PALLD: variants seen among roughly 807,000 people sequenced by gnomAD.
PALLD encodes palladin.
Under a neutral mutation model 123.5 loss-of-function variants are expected in PALLD, and 61 were observed. The observed-to-expected ratio is 0.49, with a 90% CI of 0.40 to 0.61. The LOEUF is 0.61. Ranked by LOEUF, PALLD falls within the 20% of genes least tolerant of loss-of-function variation. The probability of loss-of-function intolerance (pLI) is 0.00; values close to 1 mark genes in which losing one functional copy is unlikely to be tolerated. For missense variants in PALLD, 1,273 were observed against 1,377.0 expected (o/e 0.92, Z 1.20); for synonymous variants, 465 against 496.4 (o/e 0.94, Z 0.84).
rs183968930 is a variant in PALLD at position 168,602,126 on chromosome 4, G to A, written c.909-66064G>A. On this transcript the variant is annotated intron_variant, in intron 2 of 21. Coordinates refer to ENST00000505667, the MANE Select transcript of PALLD (RefSeq NM_001166108.2). ...TCTGGCCAGTCAGGGCAAGAGTGCAGGGTCACAAGGTCCAAAGCATGGCAA... is the reference window on the plus strand; with the variant it reads ...TCTGGCCAGTCAGGGCAAGAGTGCAAGGTCACAAGGTCCAAAGCATGGCAA... Among the ~76,000 whole-genome samples, 568 of 152,294 alleles carry A rather than the reference G, an allele frequency of 3.7e-3. 2 individuals carry two copies. Among genetic ancestry groups the A allele is most frequent in the Non-Finnish European group, 5.4e-3 (366 of 68,018 alleles).
rs140614801 is a variant in PALLD, at chr4:168,711,741, G to C, written c.1782G>C (p.Leu594=). 3.1e-6 allele frequency: 5 copies of C among 1,614,076 alleles called. No individual in the cohort carries two copies. The African/African-American group carries it at 6.7e-5, about 22-fold the overall frequency. ...IQQVNNPELG[L]SRAALQMQFN... Reference sequence around the variant, plus strand: ...AGGTGAACAACCCTGAGTTAGGCCTGAGCAGGGCAGCCCTTCAAATGCAAT... The same window carrying C: ...AGGTGAACAACCCTGAGTTAGGCCTCAGCAGGGCAGCCCTTCAAATGCAAT... Residue 594 remains leucine (L), a synonymous_variant, in exon 10 of 22, where the codon CTG becomes CTC. Transcript: ENST00000505667.
chr4:168,574,385 T>G (rs933224063), intron 2 of PALLD, among the ~76,000 whole-genome samples: 4 of 152,164 alleles, frequency 2.6e-5, no homozygotes, highest in Non-Finnish European at 5.9e-5. Flanking sequence ...GCCTCTTGGT[T>G]AAAATGTTCC....
In PALLD at chr4:168,898,556, TCTC is replaced by T; in HGVS notation, c.2317_2319del (p.Pro773del). ...TGAAATAGAGTACAGGCTAGAAAGG[TCTC>T]CTGTGGATGAATCAGGTGATGAAGT... On this transcript the variant is annotated inframe_deletion, in exon 14 of 22. Coordinates refer to ENST00000505667, the MANE Select transcript of PALLD (RefSeq NM_001166108.2). 1 of 1,613,912 alleles carries T rather than the reference TCTC, an allele frequency of 6.2e-7. No individual in the cohort carries two copies.
At chr4:168,780,455 G>A (rs1303637090) in intron 10 of PALLD, among the ~76,000 whole-genome samples, 4 of 152,168 alleles carry the variant, frequency 2.6e-5, no homozygotes. Context: ...ATATTTTGCT[G>A]TTTCTTACTA....
chr4:168,918,088 A>G (rs1560921438), intron 17 of PALLD, among the ~76,000 whole-genome samples: 1 of 151,750 alleles, frequency 6.6e-6, no homozygotes, highest in Non-Finnish European at 1.5e-5. Flanking sequence ...AGTCCCAGCT[A>G]CTCAGGGGGC....
chr4:168,809,605 G>A (rs991773165), intron 10 of PALLD, among the ~76,000 whole-genome samples: 4 of 152,180 alleles, frequency 2.6e-5, no homozygotes, highest in African/African-American at 9.7e-5. Context: ...GCTCATGCCT[G>A]TAATCCCAAC....
chr4:168,869,137 G>A lies in PALLD; in HGVS notation c.1965-21785G>A, dbSNP rs1750738358. Among the ~76,000 whole-genome samples the A allele has an allele frequency of 6.6e-6, 1 of 152,142 alleles. No homozygotes were observed. Among genetic ancestry groups the A allele is most frequent in the African/African-American group, 2.4e-5 (1 of 41,438 alleles). ...AACAAGCCAGAAATATATAAGTACT[G>A]TTACTTATAAGAGCTCTGATACATA... On this transcript the variant is annotated intron_variant, in intron 10 of 21. Transcript: ENST00000505667. This position sits in a 1 kb window ranked among gnomAD's most constrained non-coding sequence, Gnocchi z 4.5.
At chr4:168,690,520 G>C in intron 6 of PALLD, 83 bp from the exon 7 acceptor site, 1 of 1,546,016 alleles carries the variant, frequency 6.5e-7, no homozygotes. Flanking sequence ...TCTGAGGTTT[G>C]GAATTTTTAT....
chr4:168,854,211 T>C (rs913570145), intron 10 of PALLD, among the ~76,000 whole-genome samples: 9 of 152,144 alleles, frequency 5.9e-5, no homozygotes, highest in African/African-American at 2.2e-4. Context: ...ATGCTGTATC[T>C]AAGATAATAC....
rs2126494210 is a variant in PALLD, at chr4:168,921,557, T to C, written c.2874T>C (p.Asp958=). 1 of 1,607,642 alleles carries C rather than the reference T, an allele frequency of 6.2e-7. No individual in the cohort carries two copies. Among genetic ancestry groups the C allele is most frequent in the Non-Finnish European group, 8.5e-7 (1 of 1,178,096 alleles). Reference sequence around the variant, plus strand: ...AGGTCAGTGGGTTACCAACCCCAGATCTAAGCTGGCAACTAGATGGAAAGC... The same window carrying C: ...AGGTCAGTGGGTTACCAACCCCAGACCTAAGCTGGCAACTAGATGGAAAGC... ...DCKVSGLPTP[D]LSWQLDGKPV... is the part of the protein sequence containing the mutation. The change falls in exon 18 of 22, where the codon GAT becomes GAC. Residue 958 remains aspartate (D), a synonymous_variant. Transcript: ENST00000505667.
chr4:168,683,015 C>T lies in PALLD; in HGVS notation c.1172C>T (p.Thr391Ile), dbSNP rs771044370. Reference sequence around the variant, plus strand: ...TTTTCCAGAGCTCAAAAGAAAACAACTTCTGTTTCCTTGACAATAGGATCA... The same window carrying T: ...TTTTCCAGAGCTCAAAAGAAAACAATTTCTGTTTCCTTGACAATAGGATCA... ...GAMPQAQKKT[T>I]SVSLTIGSSS... Residue 391 changes from threonine (T) to isoleucine (I), a missense_variant, in exon 5 of 22, where the codon ACT (threonine) becomes ATT (isoleucine). By Grantham distance (89) the Thr-to-Ile change is moderately conservative. Coordinates refer to ENST00000505667, the MANE Select transcript of PALLD (RefSeq NM_001166108.2). 1 of 1,607,884 alleles carries T rather than the reference C, an allele frequency of 6.2e-7. No individual in the cohort carries two copies. The highest frequency in any genetic ancestry group is 1.1e-5 in the South Asian group (1 of 90,956).
In PALLD at chr4:168,498,804, T is replaced by C. The variant is rs529061653; in HGVS notation, c.-83+1610T>C. Among the ~76,000 whole-genome samples the C allele has an allele frequency of 1.6e-4, 24 of 152,284 alleles. 1 individual carries two copies. The highest frequency in any genetic ancestry group is 8.3e-4 in the South Asian group (4 of 4,832). ...AATAAAGCCCTGAATTGGATAATGGTAATGGAAATGGATAATTCAGAAGTA... is the reference window on the plus strand; with the variant it reads ...AATAAAGCCCTGAATTGGATAATGGCAATGGAAATGGATAATTCAGAAGTA... On this transcript the variant is annotated intron_variant, in intron 1 of 21. Coordinates refer to ENST00000505667, the MANE Select transcript of PALLD (RefSeq NM_001166108.2).
chr4:168,658,475 C>T (rs1417224471), intron 2 of PALLD, among the ~76,000 whole-genome samples: 1 of 151,672 alleles, frequency 6.6e-6, no homozygotes, highest in East Asian at 1.9e-4. Flanking sequence ...TTTGTAGAGA[C>T]AGGGTCTTGT....
At chr4:168,500,458 G>A (rs1260218209) in intron 1 of PALLD, among the ~76,000 whole-genome samples, 6 of 152,114 alleles carry the variant, frequency 3.9e-5, no homozygotes, top group African/African-American at 1.4e-4. Context: ...AGAACTCTTG[G>A]ACTCAGACAA....
chr4:168,840,388 T>C (rs941579183), intron 10 of PALLD, among the ~76,000 whole-genome samples: 2 of 152,188 alleles, frequency 1.3e-5, no homozygotes, highest in Admixed American at 6.5e-5. Context: ...AAAAATCAGC[T>C]AGGGCTAATA....
At chr4:168,513,196 T>A (rs1762688357) in intron 2 of PALLD, among the ~76,000 whole-genome samples, 1 of 152,096 alleles carries the variant, frequency 6.6e-6, no homozygotes, top group East Asian at 1.9e-4. Context: ...CACACACCCC[T>A]TCAATGTGAT....
intron 8 of PALLD, among the ~76,000 whole-genome samples, chr4:168,704,448 G>C (rs993532818): frequency 1.3e-5 from 2 of 152,074 alleles, no homozygotes; most frequent in African/African-American, 4.8e-5. Context: ...GAGGCGGGTG[G>C]ATCACGAGGT....
At chr4:168,891,119 C>G (rs962242381) in intron 11 of PALLD, 62 bp downstream of exon 11, 1 of 1,509,496 alleles carries the variant, frequency 6.6e-7, no homozygotes, top group African/African-American at 1.4e-5. Context: ...TTCTTCCTTT[C>G]TCTAAGACTT....
At chr4:168,808,284 T>G (rs1183497785) in intron 10 of PALLD, among the ~76,000 whole-genome samples, 2 of 151,412 alleles carry the variant, frequency 1.3e-5, no homozygotes, top group Admixed American at 1.3e-4. Context: ...ATCGAGACCA[T>G]CCTGGCTAAC....
Sources: allele counts gnomAD v4.1 joint callset (sites outside exome capture counted in the v4.1 genomes callset), GRCh38; gene constraint gnomAD v4.1.1; non-coding constraint Gnocchi (gnomAD v3.1); transcripts MANE v1.5; gene names NCBI Gene and HGNC (gene_info 2026-07-23, HGNC 2026-07-21).